The following CCSER1 variants were observed in gnomAD, a reference collection of about 807,000 sequenced individuals.
CCSER1 encodes coiled-coil serine rich protein 1, also known as serine-rich coiled-coil domain-containing protein 1.
A neutral mutation model predicts 82.0 loss-of-function variants in CCSER1; 41 were observed. That is an observed-to-expected ratio of 0.50 (90% CI 0.39 to 0.65). CCSER1 has a LOEUF of 0.65. CCSER1 is among the 30% of genes least tolerant of loss of function. The probability of loss-of-function intolerance (pLI) is 0.00; values close to 1 mark genes in which losing one functional copy is unlikely to be tolerated. For missense variants in CCSER1, 1,119 were observed against 1,064.2 expected (o/e 1.05, Z -0.72); for synonymous variants, 414 against 383.9 (o/e 1.08, Z -0.92).
intron 5 of CCSER1, among the ~76,000 whole-genome samples, chr4:90,587,015 A>T (rs1782097611): frequency 6.6e-6 from 1 of 152,178 alleles, no homozygotes; most frequent in African/African-American, 2.4e-5. Context: ...TAAAAGTGAA[A>T]CGGGGGGAGG....
chr4:90,905,358 C>CTACACACACACACACA (rs71596536), intron 8 of CCSER1, among the ~76,000 whole-genome samples: 7 of 150,340 alleles, frequency 4.7e-5, no homozygotes, highest in African/African-American at 1.7e-4. Flanking sequence ...TCTAGTCACA[C>CTACACACACACACACA]CACACACACA....
At chr4:91,575,706 G>A in intron 10 of CCSER1, among the ~76,000 whole-genome samples, 1 of 151,840 alleles carries the variant, frequency 6.6e-6, no homozygotes. Flanking sequence ...CCAAGCTGGA[G>A]GCTTCAAAAG....
intron 5 of CCSER1, among the ~76,000 whole-genome samples, chr4:90,503,034 C>A (rs999016897): frequency 6.6e-6 from 1 of 152,036 alleles, no homozygotes; most frequent in African/African-American, 2.4e-5. Context: ...GTCAGAAAAT[C>A]AGAAACTGTA....
chr4:91,357,279 CTTAATT>C (rs1748908619), intron 10 of CCSER1, among the ~76,000 whole-genome samples: 1 of 152,136 alleles, frequency 6.6e-6, no homozygotes, highest in African/African-American at 2.4e-5. Context: ...TAATGTTAAA[CTTAATT>C]TTAATAAAGC....
intron 1 of CCSER1, among the ~76,000 whole-genome samples, chr4:90,255,267 TA>T (rs1354037010): frequency 1.3e-5 from 2 of 152,074 alleles, no homozygotes; most frequent in Admixed American, 6.6e-5. Context: ...CATAACCATA[TA>T]TTTTTTTTTT....
Position 90,429,048 on chromosome 4 carries a change from T to A in CCSER1, c.1603+28919T>A, listed in dbSNP as rs1403410870. ...ACAAATGTATCACACTATTGCAAGA[T>A]GTTAATATGGTAACATTTGTGTATT... On this transcript the variant is annotated intron_variant, in intron 4 of 10. Coordinates refer to ENST00000509176, the MANE Select transcript of CCSER1 (RefSeq NM_001145065.2). 4.5e-4 allele frequency among the ~76,000 whole-genome samples: 69 copies of A among 151,688 alleles called. 1 individual carries two copies. The highest frequency in any genetic ancestry group is 4.5e-3 in the Admixed American group (68 of 15,216).
intron 7 of CCSER1, chr4:90,782,069 T>C: frequency 1.7e-6 from 1 of 600,744 alleles, no homozygotes; most frequent in Non-Finnish European, 2.1e-6. Flanking sequence ...AAACACTTTC[T>C]TGAGTATTCA....
At position 90,666,488 on chromosome 4, in the gene CCSER1, C is replaced by T. The variant is rs146162676; in HGVS notation, c.1932+38256C>T. On this transcript the variant is annotated intron_variant, in intron 6 of 10. Coordinates refer to ENST00000509176, the MANE Select transcript of CCSER1 (RefSeq NM_001145065.2). Reference sequence around the variant, plus strand: ...AAAATGGTTGTGGTGAAGAGATAAACTAAAGTCAATGACATATCTCTAGCA... The same window carrying T: ...AAAATGGTTGTGGTGAAGAGATAAATTAAAGTCAATGACATATCTCTAGCA... Among the ~76,000 whole-genome samples the T allele has an allele frequency of 2.1e-3, 325 of 152,198 alleles. 3 individuals are homozygous for T. The highest frequency in any genetic ancestry group is 7.1e-3 in the African/African-American group (296 of 41,532).
At chr4:91,171,304 T>C (rs1732728326) in intron 10 of CCSER1, among the ~76,000 whole-genome samples, 1 of 152,204 alleles carries the variant, frequency 6.6e-6, no homozygotes, top group Non-Finnish European at 1.5e-5. Flanking sequence ...TCTAAGTTAT[T>C]GTTTACACAA....
chr4:91,044,896 G>A (rs1742311508), intron 9 of CCSER1, among the ~76,000 whole-genome samples: 1 of 152,126 alleles, frequency 6.6e-6, no homozygotes, highest in South Asian at 2.1e-4. Context: ...CTTTATTAAA[G>A]AGTTCAACAT....
intron 3 of CCSER1, among the ~76,000 whole-genome samples, chr4:90,343,917 A>G (rs2153506089): frequency 6.6e-6 from 1 of 152,278 alleles, no homozygotes. Flanking sequence ...TAGTTGTTTA[A>G]AAGTGTAGAA....
At chr4:90,714,256 T>C (rs948488933) in intron 6 of CCSER1, among the ~76,000 whole-genome samples, 2 of 152,058 alleles carry the variant, frequency 1.3e-5, no homozygotes, top group African/African-American at 4.8e-5. Context: ...ATTCGTTTAT[T>C]CCTTTTTCTA....
intron 10 of CCSER1, among the ~76,000 whole-genome samples, chr4:91,297,385 A>G (rs6834487): frequency 0.028 from 3,265 of 117,842 alleles, 80 homozygotes; most frequent in African/African-American, 0.05. Context: ...GTGTGTGTGT[A>G]TGTGTGTGTG....
rs1728080119 is a variant in CCSER1 at position 90,648,328 on chromosome 4, A to AGAAAGAAAGAAG, written c.1932+20107_1932+20108insGGAAAGAAAGAA. On this transcript the variant is annotated intron_variant, in intron 6 of 10. Coordinates refer to ENST00000509176, the MANE Select transcript of CCSER1 (RefSeq NM_001145065.2). ...AAGAAAGAAAGAAAGAAAGAAAGAA[A>AGAAAGAAAGAAG]GAAAGAAAGAAAGAGAGTTGCCCTC... is the stretch of plus-strand genomic sequence containing the variant. Among the ~76,000 whole-genome samples, 6 of 151,794 alleles carry AGAAAGAAAGAAG rather than the reference A, an allele frequency of 4.0e-5. No homozygotes were observed. In the South Asian group the frequency reaches 1.3e-3, roughly 32 times the overall value.
intron 8 of CCSER1, among the ~76,000 whole-genome samples, chr4:90,888,939 A>G (rs1722553872): frequency 6.6e-6 from 1 of 152,208 alleles, no homozygotes; most frequent in Non-Finnish European, 1.5e-5. Flanking sequence ...CATGGATGAA[A>G]TATCAGAAAT....
intron 6 of CCSER1, 31 bp from the exon 7 acceptor site, chr4:90,723,883 C>T: frequency 1.7e-6 from 2 of 1,210,812 alleles, no homozygotes; most frequent in East Asian, 2.8e-5. Context: ...CAAAACAATC[C>T]TAATTAAATT....
chr4:90,338,867 C>A (rs1475388275), intron 3 of CCSER1, among the ~76,000 whole-genome samples: 1 of 152,096 alleles, frequency 6.6e-6, no homozygotes, highest in Admixed American at 6.6e-5. Flanking sequence ...AAGTCCAGAT[C>A]TAAACCATTT....
chr4:91,131,702 G>T (rs1464599760), intron 10 of CCSER1, among the ~76,000 whole-genome samples: 1 of 152,036 alleles, frequency 6.6e-6, no homozygotes, highest in East Asian at 1.9e-4. Context: ...AGAAACAGAT[G>T]CAGAGAAACA....
rs957294233 is a variant in CCSER1, at chr4:91,006,614, C to T, written c.2173-79336C>T. On this transcript the variant is annotated intron_variant, in intron 9 of 10. Transcript: ENST00000509176. ...ACACCATTCTCCTGCCTCAGCCTCCCGAGTAGCTGGGACTACAGGTGCCCA... is the reference window on the plus strand; with the variant it reads ...ACACCATTCTCCTGCCTCAGCCTCCTGAGTAGCTGGGACTACAGGTGCCCA... Among the ~76,000 whole-genome samples the T allele has an allele frequency of 1.1e-4, 16 of 151,828 alleles. 1 individual carries two copies. Among genetic ancestry groups the T allele is most frequent in the Admixed American group, 6.6e-5 (1 of 15,234 alleles).
Sources: gnomAD v4.1 joint callset for allele counts (sites outside exome capture counted in the v4.1 genomes callset) on GRCh38, gnomAD v4.1.1 for gene constraint, MANE v1.5 for transcripts, NCBI Gene and HGNC (gene_info 2026-07-23, HGNC 2026-07-21) for gene names.